Variants in TMEM260 observed in about 807,000 individuals in gnomAD.
TMEM260 encodes the protein transmembrane protein 260.
Under a neutral mutation model 88.9 loss-of-function variants are expected in TMEM260, and 82 were observed. That is an observed-to-expected ratio of 0.92 (90% CI 0.77 to 1.11). The LOEUF is 1.11. TMEM260 is among the 50% of genes least tolerant of loss of function. TMEM260 has a pLI of 0.00. For missense variants in TMEM260, 902 were observed against 853.4 expected (o/e 1.06, Z -0.71); for synonymous variants, 314 against 309.3 (o/e 1.02, Z -0.16).
chr14:56,635,613 A>G (rs1280372307), intron 14 of TMEM260, among the ~76,000 whole-genome samples: 1 of 152,138 alleles, frequency 6.6e-6, no homozygotes, highest in Non-Finnish European at 1.5e-5. Flanking sequence ...TTGTTTTTTA[A>G]TCAAAATAAC....
Position 56,636,546 on chromosome 14 carries a change from C to T in TMEM260, c.1817C>T (p.Thr606Ile). Reference protein sequence around the residue: ...TPFFIFNLAETAHMPSKVKAQ... With the variant: ...TPFFIFNLAEIAHMPSKVKAQ... ...TTCTTCATCTTTAACCTGGCAGAAACTGCTCACATGCCTTCAAAAGTGAAA... is the reference window on the plus strand; with the variant it reads ...TTCTTCATCTTTAACCTGGCAGAAATTGCTCACATGCCTTCAAAAGTGAAA... Residue 606 changes from threonine (T) to isoleucine (I), a missense_variant, in exon 15 of 16, where the codon ACT becomes ATT. By Grantham distance (89) the Thr-to-Ile change is moderately conservative. Coordinates refer to ENST00000261556, the MANE Select transcript of TMEM260 (RefSeq NM_017799.4). 6.2e-7 allele frequency: 1 copy of T among 1,614,082 alleles called. No individual in the cohort carries two copies. Among genetic ancestry groups the T allele is most frequent in the South Asian group, 1.1e-5 (1 of 91,088 alleles).
rs188561668 is a variant in TMEM260, at chr14:56,589,581, G to A, written c.344+3669G>A. 5.4e-4 allele frequency among the ~76,000 whole-genome samples: 82 copies of A among 152,060 alleles called. 1 individual carries two copies. The Middle Eastern group carries it at 0.024, about 44-fold the overall frequency. On this transcript the variant is annotated intron_variant, in intron 3 of 15. Coordinates refer to ENST00000261556, the MANE Select transcript of TMEM260 (RefSeq NM_017799.4). ...GCAGTAAGACATCAGCTCTCTTAAC[G>A]TCAAGTAGATTACCTAGAATATAGG...
chr14:56,628,207 A>G (rs1888356439), intron 12 of TMEM260, among the ~76,000 whole-genome samples: 2 of 152,208 alleles, frequency 1.3e-5, no homozygotes, highest in Admixed American at 1.3e-4. Context: ...TAGAGCTGCT[A>G]TAAACATTCA....
chr14:56,629,511 C>T (rs1313087491), intron 12 of TMEM260, among the ~76,000 whole-genome samples: 1 of 147,314 alleles, frequency 6.8e-6, no homozygotes, highest in Non-Finnish European at 1.5e-5. Flanking sequence ...TTATCAGATA[C>T]TTACCAGATC....
intron 3 of TMEM260, among the ~76,000 whole-genome samples, chr14:56,591,656 T>C (rs988594537): frequency 1.3e-5 from 2 of 152,238 alleles, no homozygotes; most frequent in African/African-American, 4.8e-5. Context: ...TGAGGTTTTA[T>C]ATGTTTTTAT....
chr14:56,604,004 T>C lies in TMEM260; in HGVS notation c.522+12T>C. On this transcript the variant is annotated intron_variant, in intron 4 of 15. Coordinates refer to ENST00000261556, the MANE Select transcript of TMEM260 (RefSeq NM_017799.4). ...AGGAGAGATCAAAGGTAACCTATTT[T>C]GATCAAAGTGAAATCAGTTTTTGTT... is the stretch of plus-strand genomic sequence containing the variant. 1 of 1,520,982 alleles carries C rather than the reference T, an allele frequency of 6.6e-7. No individual in the cohort carries two copies. Among genetic ancestry groups the C allele is most frequent in the African/African-American group, 1.4e-5 (1 of 71,226 alleles). The allele number at this position is 1,520,982 out of a possible 1,614,324, so 94.2% of individuals were successfully genotyped here. A position where few individuals can be genotyped will look rare whatever the true frequency, so the allele number is the denominator to read the frequency against.
chr14:56,653,737 A>AAAACAAAAAAAAAAAC (rs1555343540), downstream of TMEM260, among the ~76,000 whole-genome samples: 3 of 83,864 alleles, frequency 3.6e-5, no homozygotes, highest in Admixed American at 1.1e-4. Context: ...TCTTGTCTCC[A>AAAACAAAAAAAAAAAC]AAACAAAAAA....
intron 15 of TMEM260, among the ~76,000 whole-genome samples, chr14:56,645,846 A>G (rs1396736600): frequency 2.0e-5 from 3 of 152,238 alleles, no homozygotes; most frequent in African/African-American, 4.8e-5. Flanking sequence ...GATGATGACA[A>G]AAAGGGTAAA....
At chr14:56,654,790 G>T (rs1488002682), downstream of TMEM260, among the ~76,000 whole-genome samples, 1 of 129,778 alleles carries the variant, frequency 7.7e-6, no homozygotes, top group Non-Finnish European at 1.6e-5. Flanking sequence ...CTCCAACCTG[G>T]GCAACAAGAG....
At chr14:56,582,361 G>T (rs924562001) in intron 1 of TMEM260, among the ~76,000 whole-genome samples, 21 of 152,098 alleles carry the variant, frequency 1.4e-4, no homozygotes, top group Admixed American at 1.3e-4. Flanking sequence ...TTTCGGGGAG[G>T]GGGTAGGAAT....
chr14:56,617,348 G>T, intron 9 of TMEM260, 51 bp downstream of exon 9: 2 of 1,199,570 alleles, frequency 1.7e-6, no homozygotes, highest in Admixed American at 4.6e-5. Context: ...TGAAGAATGT[G>T]CAAATTTGCA....
the TMEM260 span, among the ~76,000 whole-genome samples, chr14:56,662,279 A>G: frequency 2.0e-5 from 3 of 152,226 alleles, no homozygotes; most frequent in Non-Finnish European, 2.9e-5. Context: ...CAAGAACAGG[A>G]TCCATTCCAC....
intron 3 of TMEM260, among the ~76,000 whole-genome samples, chr14:56,588,887 C>G (rs1885679245): frequency 6.6e-6 from 1 of 151,632 alleles, no homozygotes; most frequent in Non-Finnish European, 1.5e-5. Flanking sequence ...TTTTTTAAGG[C>G]TATTAAAGTA....
intron 8 of TMEM260, 43 bp from the exon 9 acceptor site, chr14:56,617,140 A>G (rs1887638885): frequency 1.7e-6 from 2 of 1,157,568 alleles, no homozygotes; most frequent in Non-Finnish European, 2.4e-6. Context: ...TTTGACATTC[A>G]TGTATCTAAA....
At chr14:56,614,330 C>T (rs1404647565) in intron 7 of TMEM260, among the ~76,000 whole-genome samples, 2 of 151,642 alleles carry the variant, frequency 1.3e-5, no homozygotes, top group Non-Finnish European at 2.9e-5. Flanking sequence ...CAGTGAGCCA[C>T]CTTCATGCCA....
intron 15 of TMEM260, among the ~76,000 whole-genome samples, chr14:56,646,807 A>G (rs1324948663): frequency 6.6e-6 from 1 of 151,622 alleles, no homozygotes; most frequent in Non-Finnish European, 1.5e-5. Flanking sequence ...ACAAAAATTT[A>G]AATTCCTTCA....
chr14:56,653,524 AG>A (rs1160782693), downstream of TMEM260, among the ~76,000 whole-genome samples: 1 of 151,948 alleles, frequency 6.6e-6, no homozygotes, highest in Non-Finnish European at 1.5e-5. Flanking sequence ...ACTTGAGGTC[AG>A]GAGTTCGAGA....
chr14:56,616,142 C>G, intron 8 of TMEM260, 115 bp downstream of exon 8: 1 of 689,842 alleles, frequency 1.4e-6, no homozygotes, highest in Non-Finnish European at 2.5e-6. Flanking sequence ...AAATAAATGA[C>G]TCTCCTAGCT....
At chr14:56,650,428 T>C (rs745384323), downstream of TMEM260, 47 of 178,738 alleles carry the variant, frequency 2.6e-4, no homozygotes, top group Admixed American at 1.2e-3. Flanking sequence ...GCCCCCGCTG[T>C]TGCCTCTGAT....
Sources: allele counts gnomAD v4.1 joint callset (sites outside exome capture counted in the v4.1 genomes callset), GRCh38; gene constraint gnomAD v4.1.1; transcripts MANE v1.5; gene names NCBI Gene and HGNC (gene_info 2026-07-23, HGNC 2026-07-21).